The following UNC13C variants were observed in gnomAD, a reference collection of about 807,000 sequenced individuals.
UNC13C encodes the protein protein unc-13 homolog C.
In UNC13C, 174 loss-of-function variants were observed where a neutral mutation model predicts 245.4. That is an observed-to-expected ratio of 0.71 (90% CI 0.63 to 0.80). The LOEUF (loss-of-function observed/expected upper bound fraction) is 0.80. Among genes scored for constraint, UNC13C ranks in the 30% least tolerant of loss-of-function variants. The probability of loss-of-function intolerance (pLI) is 0.00; values close to 1 mark genes in which losing one functional copy is unlikely to be tolerated. For missense variants in UNC13C, 2,829 were observed against 2,602.9 expected, an observed-to-expected ratio of 1.09 and a Z score of -1.89; for synonymous variants, 992 against 895.1, an observed-to-expected ratio of 1.11 and a Z score of -1.93.
intron 4 of UNC13C, among the ~76,000 whole-genome samples, chr15:54,216,016 A>G (rs1209957097): frequency 6.6e-6 from 1 of 151,990 alleles, no homozygotes; most frequent in Non-Finnish European, 1.5e-5. Flanking sequence ...GCATAACACA[A>G]TAAAATTCAC....
At chr15:54,431,357 T>G (rs752937630) in intron 19 of UNC13C, among the ~76,000 whole-genome samples, 5 of 151,632 alleles carry the variant, frequency 3.3e-5, no homozygotes, top group Admixed American at 6.6e-5. Context: ...TTTCTGTGCC[T>G]TCACAGTAGT....
intron 18 of UNC13C, among the ~76,000 whole-genome samples, chr15:54,400,736 A>C (rs2040164237): frequency 6.6e-6 from 1 of 152,182 alleles, no homozygotes; most frequent in Non-Finnish European, 1.5e-5. Context: ...ATTAGGGATG[A>C]CAAAACGGTG....
chr15:54,031,474 C>T (rs544073927), intron 2 of UNC13C, among the ~76,000 whole-genome samples: 19 of 152,310 alleles, frequency 1.2e-4, no homozygotes, highest in Admixed American at 7.8e-4. Flanking sequence ...CTGCCCGCCT[C>T]GGCTTCCCAA....
At position 54,553,407 on chromosome 15, in the gene UNC13C, T is replaced by C. The variant is rs951651091; in HGVS notation, c.5878-2025T>C. Among the ~76,000 whole-genome samples the C allele has an allele frequency of 7.8e-5, 10 of 128,988 alleles. No homozygotes were observed. In the Admixed American group the frequency reaches 9.5e-4, roughly 12 times the overall value. The allele number at this position is 128,988 out of a possible 152,430, so 84.6% of individuals were successfully genotyped here. ...ATGTATTAGTATATTATATTATATA[T>C]TGTAATATATAATATTATATATAAT... is the stretch of plus-strand genomic sequence containing the variant. On this transcript the variant is annotated intron_variant, in intron 28 of 32. Coordinates refer to ENST00000260323, the MANE Select transcript of UNC13C (RefSeq NM_001080534.3).
intron 4 of UNC13C, among the ~76,000 whole-genome samples, chr15:54,175,466 G>A (rs931711717): frequency 6.7e-6 from 1 of 149,916 alleles, no homozygotes; most frequent in Non-Finnish European, 1.5e-5. Flanking sequence ...AGTAGGAAAA[G>A]AGACACTTTG....
At chr15:53,922,446 G>C in the UNC13C span, among the ~76,000 whole-genome samples, 1 of 152,154 alleles carries the variant, frequency 6.6e-6, no homozygotes, top group Non-Finnish European at 1.5e-5. Context: ...AAGCCAATGG[G>C]GGCAAATGGC....
intron 17 of UNC13C, among the ~76,000 whole-genome samples, chr15:54,373,019 C>T (rs1384320105): frequency 1.3e-5 from 2 of 152,160 alleles, no homozygotes; most frequent in African/African-American, 4.8e-5. Context: ...GAAGCTGACT[C>T]AGCCAGTCCT....
the UNC13C span, chr15:53,948,440 TC>T: frequency 1.3e-5 from 2 of 151,742 alleles, no homozygotes; most frequent in Non-Finnish European, 2.9e-5. Context: ...CATGGTGAAA[TC>T]CCGTCTCTAC....
chr15:53,869,690 A>T, the UNC13C span, among the ~76,000 whole-genome samples: 1 of 152,242 alleles, frequency 6.6e-6, no homozygotes, highest in Admixed American at 6.5e-5. Flanking sequence ...AGCCCCTCAC[A>T]GATACCAAGG....
At chr15:54,000,320 A>T (rs1894827777) in intron 1 of UNC13C, among the ~76,000 whole-genome samples, 1 of 152,110 alleles carries the variant, frequency 6.6e-6, no homozygotes, top group South Asian at 2.1e-4. Flanking sequence ...TAACCTCTCC[A>T]AACTTTGATC....
chr15:54,206,557 A>G (rs2034717375), intron 4 of UNC13C, among the ~76,000 whole-genome samples: 1 of 152,132 alleles, frequency 6.6e-6, no homozygotes, highest in African/African-American at 2.4e-5. Flanking sequence ...TAAGGATTCT[A>G]TCACCTTGCT....
At chr15:54,335,918 T>C (rs796210780) in intron 16 of UNC13C, among the ~76,000 whole-genome samples, 5 of 152,144 alleles carry the variant, frequency 3.3e-5, no homozygotes, top group African/African-American at 1.2e-4. Flanking sequence ...CTGCATCCTC[T>C]AGCAAAACTC....
intron 29 of UNC13C, among the ~76,000 whole-genome samples, chr15:54,567,051 A>G (rs576858465): frequency 1.3e-5 from 2 of 152,208 alleles, no homozygotes; most frequent in East Asian, 3.9e-4. Flanking sequence ...ATATATCTCT[A>G]GACAGTCTGC....
chr15:54,210,608 G>T (rs532095561), intron 4 of UNC13C, among the ~76,000 whole-genome samples: 5 of 152,034 alleles, frequency 3.3e-5, no homozygotes, highest in Admixed American at 6.6e-5. Flanking sequence ...GTCTCTTTAA[G>T]GTCAAGAATA....
Position 53,978,817 on chromosome 15 carries a change from A to G in UNC13C, c.-367A>G, listed in dbSNP as rs1777281337. 6.6e-6 allele frequency among the ~76,000 whole-genome samples: 1 copy of G among 152,202 alleles called. No individual in the cohort carries two copies. Among genetic ancestry groups the G allele is most frequent in the African/African-American group, 2.4e-5 (1 of 41,454 alleles). On this transcript the variant is annotated 5_prime_UTR_variant, in exon 1 of 33. Transcript: ENST00000260323. The stretch of plus-strand genomic sequence containing the variant: ...GTGATTGAAAAAAGGAAACGAGACT[A>G]GAAACACAATTGCAAGTGGTGTTCC...
intron 2 of UNC13C, among the ~76,000 whole-genome samples, chr15:54,022,927 G>C (rs950127919): frequency 3.9e-5 from 6 of 152,262 alleles, no homozygotes; most frequent in African/African-American, 1.4e-4. Context: ...TCATCTAGGA[G>C]GCAAGACTAG....
the UNC13C span, among the ~76,000 whole-genome samples, chr15:53,940,029 G>T: frequency 6.6e-6 from 1 of 152,066 alleles, no homozygotes; most frequent in Non-Finnish European, 1.5e-5. Context: ...GGAGGGAGTA[G>T]GTAAAGTTTG....
chr15:54,339,831 G>A (rs999876250), intron 17 of UNC13C, among the ~76,000 whole-genome samples: 4 of 151,048 alleles, frequency 2.6e-5, no homozygotes, highest in African/African-American at 9.7e-5. Flanking sequence ...GGTTTAAATG[G>A]TAGTTCTACT....
the UNC13C span, among the ~76,000 whole-genome samples, chr15:53,874,303 C>T: frequency 6.6e-6 from 1 of 152,060 alleles, no homozygotes; most frequent in Non-Finnish European, 1.5e-5. Context: ...CCCTAACAAC[C>T]CAATGCAATG....
Sources: gnomAD v4.1 joint callset for allele counts (sites outside exome capture counted in the v4.1 genomes callset) on GRCh38, gnomAD v4.1.1 for gene constraint, MANE v1.5 for transcripts, NCBI Gene and HGNC (gene_info 2026-07-23, HGNC 2026-07-21) for gene names.